Variants in GRIK4 observed in about 807,000 individuals in gnomAD.
The protein encoded by GRIK4 is glutamate ionotropic receptor kainate type subunit 4, also known as glutamate receptor ionotropic, kainate 4.
Under a neutral mutation model 104.9 loss-of-function variants are expected in GRIK4, and 40 were observed. The observed-to-expected ratio is 0.38, with a 90% CI of 0.30 to 0.50. GRIK4 has a LOEUF of 0.50. Ranked by LOEUF, GRIK4 falls within the 20% of genes least tolerant of loss-of-function variation. The pLI is 0.93. For missense variants in GRIK4, 1,047 were observed against 1,308.1 expected (o/e 0.80, Z 3.08); for synonymous variants, 485 against 524.9 (o/e 0.92, Z 1.04).
intron 1 of GRIK4, among the ~76,000 whole-genome samples, chr11:120,534,276 G>A (rs2136083112): frequency 6.6e-6 from 1 of 152,324 alleles, no homozygotes; most frequent in Non-Finnish European, 1.5e-5. Flanking sequence ...GGACCAGATT[G>A]CAGAAGAAGG....
chr11:120,708,860 C>G (rs970148732), intron 3 of GRIK4, among the ~76,000 whole-genome samples: 1 of 152,156 alleles, frequency 6.6e-6, no homozygotes, highest in African/African-American at 2.4e-5. Flanking sequence ...CTTACCCCCT[C>G]CCGTGCTGTT....
chr11:120,519,889 T>TTTTTTTTTTTTTTTTTTTTTTTTTG (rs1555132646), intron 1 of GRIK4, among the ~76,000 whole-genome samples: 1 of 146,586 alleles, frequency 6.8e-6, no homozygotes, highest in African/African-American at 2.6e-5. Flanking sequence ...TGTTTTTTTT[T>TTTTTTTTTTTTTTTTTTTTTTTTTG]TTGTTGTTGT....
At chr11:120,820,221 G>A (rs1953077620) in intron 6 of GRIK4, among the ~76,000 whole-genome samples, 1 of 152,038 alleles carries the variant, frequency 6.6e-6, no homozygotes. Context: ...GGAACAGAGG[G>A]GAACTAGGTT....
chr11:120,708,391 G>T (rs1950664948), intron 3 of GRIK4, among the ~76,000 whole-genome samples: 1 of 152,064 alleles, frequency 6.6e-6, no homozygotes, highest in Admixed American at 6.5e-5. Context: ...CCCACCTCTA[G>T]CTCAGCTCCA....
chr11:120,664,414 C>T (rs1949869394), intron 3 of GRIK4, among the ~76,000 whole-genome samples: 1 of 152,312 alleles, frequency 6.6e-6, no homozygotes, highest in African/African-American at 2.4e-5. Context: ...GGATGCAGTG[C>T]TACCAATAAT....
intron 3 of GRIK4, among the ~76,000 whole-genome samples, chr11:120,786,026 T>C (rs1291642911): frequency 6.6e-6 from 1 of 152,152 alleles, no homozygotes; most frequent in Non-Finnish European, 1.5e-5. Context: ...CCTTCAAACA[T>C]TTCCCCCATT....
chr11:120,586,028 G>A (rs1948659095), intron 1 of GRIK4, among the ~76,000 whole-genome samples: 1 of 152,170 alleles, frequency 6.6e-6, no homozygotes, highest in Admixed American at 6.5e-5. Context: ...GGACATATGA[G>A]TCTGGAGTTC....
chr11:120,712,879 CT>C (rs1172525533), intron 3 of GRIK4, among the ~76,000 whole-genome samples: 24 of 152,250 alleles, frequency 1.6e-4, no homozygotes, highest in African/African-American at 5.5e-4. Flanking sequence ...CCCTCAGTCC[CT>C]TCTTATGTGA....
intron 1 of GRIK4, among the ~76,000 whole-genome samples, chr11:120,525,757 C>G (rs1363488152): frequency 2.0e-5 from 3 of 152,050 alleles, no homozygotes; most frequent in African/African-American, 7.2e-5. Flanking sequence ...AACTGGGGCA[C>G]AGGGAGAGGC....
chr11:120,772,431 A>G (rs1467910944), intron 3 of GRIK4, among the ~76,000 whole-genome samples: 1 of 152,132 alleles, frequency 6.6e-6, no homozygotes, highest in Non-Finnish European at 1.5e-5. Flanking sequence ...ACTGCATGCT[A>G]GGCTCTGTAG....
At chr11:120,919,982 C>T (rs1943192671) in intron 13 of GRIK4, among the ~76,000 whole-genome samples, 1 of 152,040 alleles carries the variant, frequency 6.6e-6, no homozygotes, top group Admixed American at 6.6e-5. Context: ...GGAAGGCTGG[C>T]AAGAGGCAGC....
At chr11:120,926,283 T>C (rs1212179721) in intron 13 of GRIK4, among the ~76,000 whole-genome samples, 7 of 152,208 alleles carry the variant, frequency 4.6e-5, no homozygotes, top group Admixed American at 4.6e-4. Flanking sequence ...GGGATTTCTT[T>C]TCACTCCCTT....
At chr11:120,608,810 C>T (rs77144602) in intron 1 of GRIK4, among the ~76,000 whole-genome samples, 3,105 of 152,236 alleles carry the variant, frequency 0.02, 98 homozygotes, top group African/African-American at 0.071. Context: ...GCCTGTGTCT[C>T]CTGACCTTGG....
chr11:120,718,743 G>A (rs552619593), intron 3 of GRIK4, among the ~76,000 whole-genome samples: 31 of 152,250 alleles, frequency 2.0e-4, no homozygotes, highest in African/African-American at 2.9e-4. Flanking sequence ...CAGCCTGGCC[G>A]CTGTTGCCTG....
At position 120,986,230 on chromosome 11, in the gene GRIK4, G is replaced by A. The variant is rs1944748070; in HGVS notation, c.2841G>A (p.Glu947=). Residue 947 remains glutamate (E), a synonymous_variant, in exon 21 of 21, where the codon GAG becomes GAA. Transcript: ENST00000527524. ...PARSEESLEW[E]KTTNSSEPE is the part of the protein sequence containing the mutation. ...GCAGCGAGGAGAGCCTGGAGTGGGA[G>A]AAAACCACCAACAGCAGCGAGCCCG... 4 of 1,520,396 alleles carry A rather than the reference G, an allele frequency of 2.6e-6. No homozygotes were observed. In the East Asian group the frequency reaches 1.1e-4, roughly 43 times the overall value. 94.2% of individuals were successfully genotyped at this position (1,520,396 alleles called of 1,614,324 possible).
intron 1 of GRIK4, among the ~76,000 whole-genome samples, chr11:120,645,542 T>A (rs1949531718): frequency 6.6e-6 from 1 of 152,208 alleles, no homozygotes; most frequent in African/African-American, 2.4e-5. Context: ...TCAAAGAGGC[T>A]GCCTTCCTAT....
chr11:120,932,169 T>G (rs1591299639), intron 13 of GRIK4, among the ~76,000 whole-genome samples: 1 of 152,052 alleles, frequency 6.6e-6, no homozygotes, highest in Non-Finnish European at 1.5e-5. Context: ...TTTTTTTTTT[T>G]TTTTTTGGCA....
intron 1 of GRIK4, among the ~76,000 whole-genome samples, chr11:120,620,529 CT>C (rs1949174330): frequency 6.6e-6 from 1 of 152,090 alleles, no homozygotes; most frequent in Non-Finnish European, 1.5e-5. Context: ...CAGATGGGGT[CT>C]CCCTATGTTG....
intron 1 of GRIK4, among the ~76,000 whole-genome samples, chr11:120,577,888 C>T (rs1265718955): frequency 5.3e-5 from 8 of 152,146 alleles, no homozygotes; most frequent in Non-Finnish European, 8.8e-5. Flanking sequence ...GTGCAGTGCT[C>T]GGATTTCTCA....
Sources: gnomAD v4.1 joint callset for allele counts (sites outside exome capture counted in the v4.1 genomes callset) on GRCh38, gnomAD v4.1.1 for gene constraint, MANE v1.5 for transcripts, NCBI Gene and HGNC (gene_info 2026-07-23, HGNC 2026-07-21) for gene names.